The following RAB31 variants were observed in gnomAD, a reference collection of about 807,000 sequenced individuals.
RAB31 encodes RAB31, member RAS oncogene family.
Under a neutral mutation model 25.6 loss-of-function variants are expected in RAB31, and 21 were observed. That is an observed-to-expected ratio of 0.82 (90% CI 0.58 to 1.18). The LOEUF (loss-of-function observed/expected upper bound fraction) is 1.18. Ranked by LOEUF, RAB31 falls within the 50% of genes most tolerant of loss-of-function variation. The pLI, the probability that RAB31 is intolerant of heterozygous loss-of-function variation, is 0.00. For missense variants in RAB31, 196 were observed against 250.1 expected (o/e 0.78, Z 1.46); for synonymous variants, 87 against 84.0 (o/e 1.04, Z -0.20).
intron 5 of RAB31, among the ~76,000 whole-genome samples, chr18:9,823,697 T>C (rs1170847059): frequency 1.3e-5 from 2 of 152,304 alleles, no homozygotes; most frequent in East Asian, 3.9e-4. Context: ...TATATACACA[T>C]GGCAAAAATT....
At chr18:9,760,954 A>G (rs1037937750) in intron 1 of RAB31, among the ~76,000 whole-genome samples, 11 of 152,276 alleles carry the variant, frequency 7.2e-5, no homozygotes, top group Admixed American at 3.9e-4. Context: ...AGCAACTCTG[A>G]AATGTCTATA....
intron 1 of RAB31, among the ~76,000 whole-genome samples, chr18:9,709,186 A>G (rs8092189): frequency 0.85 from 128,584 of 152,124 alleles, 54,724 homozygotes; most frequent in African/African-American, 0.95. Flanking sequence ...CAGAAACAAA[A>G]AAGCAGTCAA....
At chr18:9,760,538 T>A (rs1263791734) in intron 1 of RAB31, among the ~76,000 whole-genome samples, 1 of 152,204 alleles carries the variant, frequency 6.6e-6, no homozygotes, top group Non-Finnish European at 1.5e-5. Flanking sequence ...TCATTTAGTC[T>A]TCCCTGCATT....
intron 5 of RAB31, among the ~76,000 whole-genome samples, chr18:9,818,837 A>C (rs144682949): frequency 3.9e-5 from 6 of 152,296 alleles, no homozygotes; most frequent in African/African-American, 1.4e-4. Flanking sequence ...TAGGCATCCT[A>C]GTGGGTGTGA....
chr18:9,722,223 G>A (rs1053160394), intron 1 of RAB31, among the ~76,000 whole-genome samples: 3 of 152,202 alleles, frequency 2.0e-5, no homozygotes, highest in Admixed American at 2.0e-4. Flanking sequence ...TACAGAGCAA[G>A]GACATGATCT....
chr18:9,750,509 TG>T (rs1351754266), intron 1 of RAB31, among the ~76,000 whole-genome samples: 2 of 151,902 alleles, frequency 1.3e-5, no homozygotes, highest in Admixed American at 1.3e-4. Flanking sequence ...GGGGGAGAGG[TG>T]CCGGCAGTTG....
intron 3 of RAB31, among the ~76,000 whole-genome samples, chr18:9,805,566 T>C (rs1268593496): frequency 1.3e-5 from 2 of 152,156 alleles, no homozygotes; most frequent in Non-Finnish European, 2.9e-5. Flanking sequence ...GAAGGTCAGC[T>C]GATGAGCCCT....
chr18:9,782,381 G>A (rs903488342), intron 2 of RAB31, among the ~76,000 whole-genome samples: 1 of 152,302 alleles, frequency 6.6e-6, no homozygotes, highest in East Asian at 1.9e-4. Context: ...TCTTCCCACT[G>A]GAATCACACG....
At chr18:9,738,850 G>A (rs553304093) in intron 1 of RAB31, among the ~76,000 whole-genome samples, 10 of 152,154 alleles carry the variant, frequency 6.6e-5, no homozygotes, top group Non-Finnish European at 1.0e-4. Flanking sequence ...TCAGCCTCCC[G>A]CTGTGGGATC....
At chr18:9,750,609 G>C (rs2068230142) in intron 1 of RAB31, among the ~76,000 whole-genome samples, 1 of 152,114 alleles carries the variant, frequency 6.6e-6, no homozygotes, top group African/African-American at 2.4e-5. Flanking sequence ...GTGCCAGTTT[G>C]GATAAGACAA....
intron 1 of RAB31, among the ~76,000 whole-genome samples, chr18:9,773,347 T>C (rs1417513491): frequency 3.9e-5 from 6 of 152,236 alleles, no homozygotes; most frequent in Non-Finnish European, 8.8e-5. Context: ...CTTTTGGCTT[T>C]CAAATTTATA....
intron 5 of RAB31, among the ~76,000 whole-genome samples, chr18:9,829,538 A>T (rs1282377747): frequency 1.3e-5 from 2 of 152,210 alleles, no homozygotes; most frequent in Non-Finnish European, 2.9e-5. Context: ...ATGTGTAAGC[A>T]TTTCTCTGGA....
chr18:9,748,153 CTT>C (rs1339995478), intron 1 of RAB31, among the ~76,000 whole-genome samples: 1 of 152,140 alleles, frequency 6.6e-6, no homozygotes, highest in Non-Finnish European at 1.5e-5. Context: ...GTCATTCTAA[CTT>C]TTGATAATTT....
chr18:9,834,808 A>G (rs962395461), intron 5 of RAB31, among the ~76,000 whole-genome samples: 1 of 152,218 alleles, frequency 6.6e-6, no homozygotes. Context: ...CTTCGAAGAC[A>G]GAGTAATCTC....
intron 1 of RAB31, among the ~76,000 whole-genome samples, chr18:9,767,399 A>G (rs2068321531): frequency 6.6e-6 from 1 of 152,216 alleles, no homozygotes; most frequent in Admixed American, 6.5e-5. Context: ...ATCCCTTACC[A>G]GTTTACTCAA....
chr18:9,781,976 T>C (rs2068406933), intron 2 of RAB31, among the ~76,000 whole-genome samples: 1 of 152,202 alleles, frequency 6.6e-6, no homozygotes, highest in African/African-American at 2.4e-5. Context: ...CAATAGAGAA[T>C]CAGGAGACTG....
chr18:9,830,498 T>G (rs1490740565), intron 5 of RAB31: 1 of 152,006 alleles, frequency 6.6e-6, no homozygotes, highest in African/African-American at 2.4e-5. Context: ...GGTCACTATA[T>G]TGCCATGCAA....
intron 5 of RAB31, among the ~76,000 whole-genome samples, chr18:9,835,807 CAG>C (rs1315441585): frequency 1.3e-5 from 2 of 151,408 alleles, no homozygotes; most frequent in Non-Finnish European, 2.9e-5. Flanking sequence ...GCATTTTAAA[CAG>C]AGATTTTGCT....
intron 5 of RAB31, among the ~76,000 whole-genome samples, chr18:9,841,578 A>G (rs1471192714): frequency 6.7e-6 from 1 of 150,094 alleles, no homozygotes; most frequent in Non-Finnish European, 1.5e-5. Context: ...GGCTTTATTC[A>G]TGATTCTAGA....
Sources: allele counts gnomAD v4.1 joint callset (sites outside exome capture counted in the v4.1 genomes callset), GRCh38; gene constraint gnomAD v4.1.1; transcripts MANE v1.5; gene names NCBI Gene and HGNC (gene_info 2026-07-23, HGNC 2026-07-21).